Variants in CDH4 observed in about 807,000 individuals in gnomAD.
CDH4 encodes cadherin-4.
Under a neutral mutation model 86.0 loss-of-function variants are expected in CDH4, and 33 were observed. The observed-to-expected ratio is 0.38, with a 90% CI of 0.29 to 0.51. CDH4 has a LOEUF of 0.51. Ranked by LOEUF, CDH4 falls within the 20% of genes least tolerant of loss-of-function variation. The pLI is 0.86. For missense variants in CDH4, 1,114 were observed against 1,307.4 expected (o/e 0.85, Z 2.28); for synonymous variants, 555 against 549.4 (o/e 1.01, Z -0.14).
At chr20:61,394,215 C>G (rs997536164) in intron 2 of CDH4, among the ~76,000 whole-genome samples, 1 of 152,102 alleles carries the variant, frequency 6.6e-6, no homozygotes, top group African/African-American at 2.4e-5. Context: ...TCAGTCCCCA[C>G]CGATCTCAGA....
intron 2 of CDH4, among the ~76,000 whole-genome samples, chr20:61,388,162 A>G (rs2084962381): frequency 2.0e-5 from 3 of 151,798 alleles, no homozygotes; most frequent in African/African-American, 7.3e-5. Context: ...GTTTCTTTGC[A>G]GTTAGAATGT....
At chr20:61,682,448 AGG>A (rs1201271891) in intron 2 of CDH4, among the ~76,000 whole-genome samples, 1 of 40,794 alleles carries the variant, frequency 2.5e-5, no homozygotes, top group Non-Finnish European at 4.8e-5. Context: ...GGGTGGGAGA[AGG>A]GGAGGGAGGG....
chr20:61,623,999 A>G lies in CDH4; in HGVS notation c.170-119564A>G, dbSNP rs577069808. Among the ~76,000 whole-genome samples the G allele has an allele frequency of 3.9e-5, 6 of 152,304 alleles. No homozygotes were observed. The highest frequency in any genetic ancestry group is 1.4e-4 in the African/African-American group (6 of 41,582). On this transcript the variant is annotated intron_variant, in intron 2 of 15. Coordinates refer to ENST00000614565, the MANE Select transcript of CDH4 (RefSeq NM_001794.5). This position sits in a 1 kb window ranked among gnomAD's most constrained non-coding sequence, Gnocchi z 4.4. ...TAGAGCGAGGAACAGTGCATCCACC[A>G]TCAGATGCTGGTGTGCAAATCTGGT...
At chr20:61,876,504 G>A (rs1036600314) in intron 7 of CDH4, among the ~76,000 whole-genome samples, 1 of 152,334 alleles carries the variant, frequency 6.6e-6, no homozygotes, top group Admixed American at 6.5e-5. Context: ...ACGGGATTGG[G>A]TGCCTGCAGG....
At chr20:61,661,797 C>T (rs369969626) in intron 2 of CDH4, among the ~76,000 whole-genome samples, 57 of 152,226 alleles carry the variant, frequency 3.7e-4, no homozygotes, top group Middle Eastern at 3.4e-3. Flanking sequence ...AACACTGACG[C>T]GGCTCGTATG....
intron 2 of CDH4, among the ~76,000 whole-genome samples, chr20:61,729,872 G>C (rs1156976808): frequency 2.6e-5 from 4 of 152,290 alleles, no homozygotes; most frequent in Middle Eastern, 3.4e-3. Flanking sequence ...TAAATGAGAC[G>C]GCAAGAGAGA....
At chr20:61,823,264 T>C in intron 4 of CDH4, among the ~76,000 whole-genome samples, 2 of 1,758 alleles carry the variant, frequency 1.1e-3, no homozygotes, top group Non-Finnish European at 3.0e-3. Context: ...TTGATGGTAA[T>C]GGTGGTGATG....
chr20:61,252,339 C>A lies in CDH4; in HGVS notation c.-175C>A, dbSNP rs1390412102. On this transcript the variant is annotated 5_prime_UTR_variant, in exon 1 of 16. Transcript: ENST00000614565. The surrounding 1 kb of genome is among the most constrained non-coding windows in gnomAD (Gnocchi z 4.4). ...CGCCGGCCGGACTTGGCCTGGCTCC[C>A]GGAGCCGGGGCGGCGAGCGCGGCGG... 1 of 161,970 alleles carries A rather than the reference C, an allele frequency of 6.2e-6. No homozygotes were observed. Among genetic ancestry groups the A allele is most frequent in the South Asian group, 1.7e-4 (1 of 5,886 alleles). The allele number at this position is 161,970 out of a possible 1,614,324, so 10.0% of individuals were successfully genotyped here.
chr20:61,528,938 G>A lies in CDH4; in HGVS notation c.170-214625G>A, dbSNP rs1036588169. On this transcript the variant is annotated intron_variant, in intron 2 of 15. Coordinates refer to ENST00000614565, the MANE Select transcript of CDH4 (RefSeq NM_001794.5). ...GTCCATAGATGACATTCACTGATGTGGGGAATTAGACATTTTAGAAAGGTT... is the reference window on the plus strand; with the variant it reads ...GTCCATAGATGACATTCACTGATGTAGGGAATTAGACATTTTAGAAAGGTT... 3.3e-5 allele frequency among the ~76,000 whole-genome samples: 5 copies of A among 151,788 alleles called. No homozygotes were observed. The South Asian group carries it at 1.0e-3, about 32-fold the overall frequency.
intron 2 of CDH4, among the ~76,000 whole-genome samples, chr20:61,470,281 C>A (rs2085494996): frequency 6.6e-6 from 1 of 151,534 alleles, no homozygotes; most frequent in Non-Finnish European, 1.5e-5. Flanking sequence ...GGTGTTAATT[C>A]TTAGGTGTTT....
chr20:61,263,468 G>A (rs1460518235), intron 2 of CDH4, among the ~76,000 whole-genome samples: 1 of 152,132 alleles, frequency 6.6e-6, no homozygotes, highest in African/African-American at 2.4e-5. Context: ...TGTTTGGGGG[G>A]ACTTACCATG....
intron 2 of CDH4, among the ~76,000 whole-genome samples, chr20:61,439,227 G>GTGTGCATTTCGGTTGTGCTGCA (rs1568845325): frequency 6.6e-6 from 1 of 151,938 alleles, no homozygotes; most frequent in Admixed American, 6.6e-5. Context: ...AGGGTGTTGC[G>GTGTGCATTTCGGTTGTGCTGCA]GTGTGCGTTT....
chr20:61,452,059 C>G (rs980843643), intron 2 of CDH4, among the ~76,000 whole-genome samples: 1 of 152,320 alleles, frequency 6.6e-6, no homozygotes, highest in African/African-American at 2.4e-5. Flanking sequence ...CTGGAGCATT[C>G]GCGCTTTTCC....
At chr20:61,752,539 G>A (rs1294016502) in intron 3 of CDH4, among the ~76,000 whole-genome samples, 2 of 152,294 alleles carry the variant, frequency 1.3e-5, no homozygotes, top group East Asian at 1.9e-4. Flanking sequence ...GCCCATAGCA[G>A]TATAGGCAGG....
At chr20:61,657,187 T>G (rs942907295) in intron 2 of CDH4, among the ~76,000 whole-genome samples, 2 of 152,212 alleles carry the variant, frequency 1.3e-5, no homozygotes, top group African/African-American at 2.4e-5. Flanking sequence ...CTCTGCACCC[T>G]CCTCTTCAGG....
rs1448579190 is a variant in CDH4 at position 61,653,746 on chromosome 20, G to A, written c.170-89817G>A. ...CAGAGGCGCTCCTCACATCCCAGAC[G>A]GGGCGGCGGGGCAGAGGCGCTCCCC... On this transcript the variant is annotated intron_variant, in intron 2 of 15. Coordinates refer to ENST00000614565, the MANE Select transcript of CDH4 (RefSeq NM_001794.5). 6.2e-4 allele frequency among the ~76,000 whole-genome samples: 72 copies of A among 115,992 alleles called. 9 individuals are homozygous for A. Among genetic ancestry groups the A allele is most frequent in the African/African-American group, 2.0e-3 (71 of 35,204 alleles). The allele number at this position is 115,992 out of a possible 152,430, so 76.1% of individuals were successfully genotyped here.
At chr20:61,901,110 T>C (rs1985377311) in intron 8 of CDH4, among the ~76,000 whole-genome samples, 1 of 152,142 alleles carries the variant, frequency 6.6e-6, no homozygotes, top group Non-Finnish European at 1.5e-5. Context: ...CAAGCCAATC[T>C]GGTCTATGGA....
At chr20:61,519,834 A>G (rs1280476494) in intron 2 of CDH4, among the ~76,000 whole-genome samples, 2 of 151,796 alleles carry the variant, frequency 1.3e-5, no homozygotes, top group Non-Finnish European at 2.9e-5. Flanking sequence ...TGGGCTCTTA[A>G]CCTCCACTTC....
chr20:61,876,508 C>CTGCAGGGGAGGCA (rs1407012343), intron 7 of CDH4, among the ~76,000 whole-genome samples: 3 of 152,198 alleles, frequency 2.0e-5, no homozygotes, highest in Non-Finnish European at 4.4e-5. Flanking sequence ...GATTGGGTGC[C>CTGCAGGGGAGGCA]TGCAGGGGAG....
Sources: gnomAD v4.1 joint callset for allele counts (sites outside exome capture counted in the v4.1 genomes callset) on GRCh38, gnomAD v4.1.1 for gene constraint, Gnocchi (gnomAD v3.1) non-coding constraint, MANE v1.5 for transcripts, NCBI Gene and HGNC (gene_info 2026-07-23, HGNC 2026-07-21) for gene names.